The following NRG3 variants were observed in gnomAD, a reference collection of about 807,000 sequenced individuals.
The protein encoded by NRG3 is neuregulin 3, also known as pro-neuregulin-3, membrane-bound isoform.
A neutral mutation model predicts 66.9 loss-of-function variants in NRG3; 31 were observed. That is an observed-to-expected ratio of 0.46 (90% CI 0.35 to 0.63). The LOEUF (loss-of-function observed/expected upper bound fraction) is 0.63. Among genes scored for constraint, NRG3 ranks in the 20% least tolerant of loss-of-function variants. The pLI is 0.00. For missense variants in NRG3, 910 were observed against 878.9 expected (o/e 1.04, Z -0.45); for synonymous variants, 393 against 359.4 (o/e 1.09, Z -1.06).
intron 1 of NRG3, among the ~76,000 whole-genome samples, chr10:82,267,855 T>TC (rs1422848677): frequency 6.6e-6 from 1 of 152,176 alleles, no homozygotes; most frequent in African/African-American, 2.4e-5. Flanking sequence ...CAGCAGGTCT[T>TC]CCAGCAGAAA....
Position 82,406,354 on chromosome 10 carries a change from C to T in NRG3, c.953+47486C>T, listed in dbSNP as rs536603347. Among the ~76,000 whole-genome samples the T allele has an allele frequency of 2.0e-4, 31 of 152,248 alleles. No individual in the cohort carries two copies. In the South Asian group the frequency reaches 6.4e-3, roughly 32 times the overall value. Reference sequence around the variant, plus strand: ...ACAATGATAATACCTCATATCTCTACAGCACATTGTTGCCTTCAGAGCACT... The same window carrying T: ...ACAATGATAATACCTCATATCTCTATAGCACATTGTTGCCTTCAGAGCACT... On this transcript the variant is annotated intron_variant, in intron 2 of 8. Coordinates refer to ENST00000372141, the MANE Select transcript of NRG3 (RefSeq NM_001010848.4).
intron 2 of NRG3, among the ~76,000 whole-genome samples, chr10:82,512,576 A>G (rs1209659518): frequency 6.6e-6 from 1 of 152,164 alleles, no homozygotes; most frequent in Non-Finnish European, 1.5e-5. Context: ...CCATACATGT[A>G]TATTTTAAAG....
At chr10:82,850,006 G>T (rs893896572) in intron 3 of NRG3, among the ~76,000 whole-genome samples, 1 of 152,146 alleles carries the variant, frequency 6.6e-6, no homozygotes, top group African/African-American at 2.4e-5. Context: ...TCAGGGAGAA[G>T]CCTTCTGTAG....
At chr10:82,552,353 G>C (rs1028423860) in intron 2 of NRG3, among the ~76,000 whole-genome samples, 4 of 151,970 alleles carry the variant, frequency 2.6e-5, no homozygotes, top group African/African-American at 9.7e-5. Flanking sequence ...ATGGCAGTAT[G>C]AACACATGGA....
intron 1 of NRG3, among the ~76,000 whole-genome samples, chr10:81,913,580 G>A (rs762329235): frequency 1.7e-4 from 26 of 151,832 alleles, no homozygotes; most frequent in Admixed American, 3.9e-4. Context: ...CGCACCATCA[G>A]GCCCAGCTAA....
chr10:81,876,051 T>G lies in NRG3; in HGVS notation c.711T>G (p.Asp237Glu). ...ACGCTACCTCCTCCTACCTTCACGA[T>G]TCTACTCCCTCCTGGACCCTGTCTC... ...AAYATSSYLH[D>E]STPSWTLSPF... The change falls in exon 1 of 9, where the codon GAT becomes GAG. Residue 237 changes from aspartate (D) to glutamate (E), a missense_variant. Transcript: ENST00000372141. 1.2e-6 allele frequency: 2 copies of G among 1,613,970 alleles called. No homozygotes were observed. The highest frequency in any genetic ancestry group is 1.7e-6 in the Non-Finnish European group (2 of 1,180,024).
intron 4 of NRG3, among the ~76,000 whole-genome samples, chr10:82,887,286 A>T: frequency 6.6e-6 from 1 of 152,230 alleles, no homozygotes; most frequent in East Asian, 1.9e-4. Flanking sequence ...CCCAAGCATC[A>T]GCTCCGATTA....
At chr10:82,489,656 A>G (rs193194972) in intron 2 of NRG3, among the ~76,000 whole-genome samples, 1 of 152,204 alleles carries the variant, frequency 6.6e-6, no homozygotes, top group South Asian at 2.1e-4. Flanking sequence ...ATTTTAGAGA[A>G]TTTGGATCTT....
chr10:82,149,131 A>G (rs2070499043), intron 1 of NRG3, among the ~76,000 whole-genome samples: 1 of 152,054 alleles, frequency 6.6e-6, no homozygotes, highest in East Asian at 1.9e-4. Context: ...AAAATAATTC[A>G]GTTGCCTAGA....
rs142855355 is a variant in NRG3 at position 82,250,654 on chromosome 10, G to A, written c.824-108085G>A. ...TGGTCTTGACCCCTGCTTCCAGGAA[G>A]CCTTGCTTGACTGTCTAGGGCTGAA... is the stretch of plus-strand genomic sequence containing the variant. On this transcript the variant is annotated intron_variant, in intron 1 of 8. Transcript: ENST00000372141. Among the ~76,000 whole-genome samples, 508 of 152,300 alleles carry A rather than the reference G, an allele frequency of 3.3e-3. 2 individuals are homozygous for A. Among genetic ancestry groups the A allele is most frequent in the African/African-American group, 0.011 (459 of 41,560 alleles).
At chr10:82,934,223 G>C (rs1398763494) in intron 4 of NRG3, among the ~76,000 whole-genome samples, 1 of 152,230 alleles carries the variant, frequency 6.6e-6, no homozygotes, top group African/African-American at 2.4e-5. Flanking sequence ...ACAGCTGTCT[G>C]GGTACAATTG....
At chr10:82,964,944 G>A (rs1308231346) in intron 6 of NRG3, among the ~76,000 whole-genome samples, 2 of 152,104 alleles carry the variant, frequency 1.3e-5, no homozygotes, top group East Asian at 1.9e-4. Flanking sequence ...TATTGATTTC[G>A]GTGCACCACC....
At position 82,503,360 on chromosome 10, in the gene NRG3, G is replaced by C. The variant is rs1045570641; in HGVS notation, c.953+144492G>C. ...AGATCTCAGGAAAATCTGGTGAGTAGAATCTTCTGAGAGAAGGAACTTTGG... is the reference window on the plus strand; with the variant it reads ...AGATCTCAGGAAAATCTGGTGAGTACAATCTTCTGAGAGAAGGAACTTTGG... On this transcript the variant is annotated intron_variant, in intron 2 of 8. Transcript: ENST00000372141. Among the ~76,000 whole-genome samples, 14 of 152,282 alleles carry C rather than the reference G, an allele frequency of 9.2e-5. No individual in the cohort carries two copies. The East Asian group carries it at 1.4e-3, about 15-fold the overall frequency.
chr10:82,455,614 CTT>C (rs35042088), intron 2 of NRG3, among the ~76,000 whole-genome samples: 25 of 138,122 alleles, frequency 1.8e-4, no homozygotes, highest in African/African-American at 2.4e-4. Context: ...TTACACTAAA[CTT>C]TTTTTTTTTT....
At chr10:82,460,582 G>A (rs2091466114) in intron 2 of NRG3, among the ~76,000 whole-genome samples, 1 of 152,144 alleles carries the variant, frequency 6.6e-6, no homozygotes, top group Non-Finnish European at 1.5e-5. Flanking sequence ...AAACTGAGAT[G>A]AGAATGACAT....
At chr10:82,656,825 C>T (rs1422755223) in intron 2 of NRG3, among the ~76,000 whole-genome samples, 3 of 152,232 alleles carry the variant, frequency 2.0e-5, no homozygotes, top group Non-Finnish European at 2.9e-5. Flanking sequence ...TAACAACCCC[C>T]TCAAAATTGG....
chr10:82,948,698 A>C (rs1443048307), intron 4 of NRG3, among the ~76,000 whole-genome samples: 1 of 151,910 alleles, frequency 6.6e-6, no homozygotes. Flanking sequence ...TTTTTGTTTC[A>C]ATTTTTCTTT....
chr10:82,917,448 C>T (rs1337253858), intron 4 of NRG3, among the ~76,000 whole-genome samples: 3 of 152,192 alleles, frequency 2.0e-5, no homozygotes, highest in African/African-American at 4.8e-5. Flanking sequence ...TGCTTTCCTG[C>T]CCCTGTGCAG....
intron 4 of NRG3, among the ~76,000 whole-genome samples, chr10:82,900,545 A>T (rs1259111024): frequency 1.3e-5 from 2 of 152,202 alleles, no homozygotes; most frequent in East Asian, 3.8e-4. Context: ...ATAAAATCTC[A>T]TTCCTTGACA....
Sources: allele counts gnomAD v4.1 joint callset (sites outside exome capture counted in the v4.1 genomes callset), GRCh38; gene constraint gnomAD v4.1.1; transcripts MANE v1.5; gene names NCBI Gene and HGNC (gene_info 2026-07-23, HGNC 2026-07-21).